Variants in FAM217B observed in about 807,000 individuals in gnomAD.
FAM217B encodes the protein protein FAM217B.
For synonymous variants in FAM217B, 163 were observed against 173.0 expected (o/e 0.94, Z 0.45); for missense variants, 463 against 456.9 (o/e 1.01, Z -0.12).
chr20:59,942,799 T>A (rs2060912523), intron 3 of FAM217B, among the ~76,000 whole-genome samples: 1 of 152,192 alleles, frequency 6.6e-6, no homozygotes, highest in Non-Finnish European at 1.5e-5. Context: ...TGACAATAAT[T>A]AATTTTTATG....
rs2060934486 is a variant in FAM217B at position 59,945,878 on chromosome 20, G to C, written c.*783G>C. 1 of 166,998 alleles carries C rather than the reference G, an allele frequency of 6.0e-6. No homozygotes were observed. The highest frequency in any genetic ancestry group is 2.4e-5 in the African/African-American group (1 of 41,420). 10.3% of individuals were successfully genotyped at this position (166,998 alleles called of 1,614,324 possible). ...ATGATTACTGCTGTTTGGTGGGGCT[G>C]AGAATGAAATATTTGACATTCTGGA... On this transcript the variant is annotated 3_prime_UTR_variant, in exon 4 of 4. Transcript: ENST00000360816.
Position 59,947,495 on chromosome 20 carries a change from A to T in FAM217B, c.*2400A>T, listed in dbSNP as rs2060943643. On this transcript the variant is annotated 3_prime_UTR_variant, in exon 4 of 4. Coordinates refer to ENST00000360816, the MANE Select transcript of FAM217B (RefSeq NM_022106.3). ...CTCCAGCCTGGGCAACAAGAGGGAA[A>T]CTCCGTTTCAAAAAAAAAAGAAAAA... 1 of 163,740 alleles carries T rather than the reference A, an allele frequency of 6.1e-6. No individual in the cohort carries two copies. 10.1% of individuals were successfully genotyped at this position (163,740 alleles called of 1,614,324 possible). A position where few individuals can be genotyped will look rare whatever the true frequency, so the allele number is the denominator to read the frequency against.
rs2060932985 is a variant in FAM217B at position 59,945,623 on chromosome 20, C to T, written c.*528C>T. On this transcript the variant is annotated 3_prime_UTR_variant, in exon 4 of 4. Transcript: ENST00000360816. Reference sequence around the variant, plus strand: ...CTTAGGAGAAGCTTTAGTTCTTCCTCAAGTCAGGGAGTAGTGAGTTTGTAT... The same window carrying T: ...CTTAGGAGAAGCTTTAGTTCTTCCTTAAGTCAGGGAGTAGTGAGTTTGTAT... 6.0e-6 allele frequency: 1 copy of T among 167,718 alleles called. No individual in the cohort carries two copies. Among genetic ancestry groups the T allele is most frequent in the African/African-American group, 2.4e-5 (1 of 41,458 alleles). 10.4% of individuals were successfully genotyped at this position (167,718 alleles called of 1,614,324 possible).
At chr20:59,939,770 C>A, upstream of FAM217B, 2 of 1,222,792 alleles carry the variant, frequency 1.6e-6, no homozygotes, top group Non-Finnish European at 2.0e-6. Flanking sequence ...ACGGCGCTGG[C>A]GTTGGCGGCG....
Position 59,944,330 on chromosome 20 carries a change from T to A in FAM217B, c.387T>A (p.Leu129=), listed in dbSNP as rs1018588349. ...AAATTGATCCAGTTTACTTTGATCT[T>A]CACCCTGGTCAGGGCCATACAAAAC... is the stretch of plus-strand genomic sequence containing the variant. ...AEEIDPVYFD[L]HPGQGHTKPE... Residue 129 remains leucine, a synonymous_variant, in exon 4 of 4, where the codon CTT becomes CTA. Transcript: ENST00000360816. 1 of 1,614,114 alleles carries A rather than the reference T, an allele frequency of 6.2e-7. No individual in the cohort carries two copies. The highest frequency in any genetic ancestry group is 8.5e-7 in the Non-Finnish European group (1 of 1,180,006).
At chr20:59,937,691 A>T (rs1392970149), upstream of FAM217B, 1 of 151,856 alleles carries the variant, frequency 6.6e-6, no homozygotes, top group Non-Finnish European at 1.5e-5. Context: ...CCACACCTTA[A>T]TTCTAGCACC....
At chr20:59,937,892 A>G (rs2060871824), upstream of FAM217B, 2 of 152,394 alleles carry the variant, frequency 1.3e-5, no homozygotes. Context: ...GAAGGCAGAA[A>G]GTATAAAGTT....
upstream of FAM217B, chr20:59,939,648 G>A (rs1424575952): frequency 6.5e-6 from 10 of 1,539,328 alleles, no homozygotes; most frequent in Admixed American, 1.2e-4. Flanking sequence ...GCTGCAGCCC[G>A]GCCGACACGC....
chr20:59,939,415 G>C, upstream of FAM217B: 1 of 1,610,894 alleles, frequency 6.2e-7, no homozygotes, highest in Non-Finnish European at 8.5e-7. Context: ...AGCTGCCGCT[G>C]CAGGCGCTCG....
upstream of FAM217B, among the ~76,000 whole-genome samples, chr20:59,935,491 T>G (rs1157041296): frequency 2.0e-5 from 3 of 152,362 alleles, no homozygotes; most frequent in East Asian, 5.8e-4. Context: ...TTGGAAACTA[T>G]GTGCCGTGGT....
chr20:59,944,872 G>C lies in FAM217B; in HGVS notation c.929G>C (p.Gly310Ala). 1 of 1,614,206 alleles carries C rather than the reference G, an allele frequency of 6.2e-7. No individual in the cohort carries two copies. Among genetic ancestry groups the C allele is most frequent in the Non-Finnish European group, 8.5e-7 (1 of 1,180,042 alleles). Residue 310 changes from glycine (G) to alanine (A), a missense_variant, in exon 4 of 4, where the codon GGC becomes GCC. Gly to Ala is a moderately conservative substitution (Grantham distance 60, BLOSUM62 0). Transcript: ENST00000360816. ...STKLQRWDLS[G>A]SGSSSKVETS... ...AAGCTGCAGCGCTGGGATCTGTCCGGCAGTGGAAGCAGCTCTAAGGTGGAA... is the reference window on the plus strand; with the variant it reads ...AAGCTGCAGCGCTGGGATCTGTCCGCCAGTGGAAGCAGCTCTAAGGTGGAA...
In FAM217B at chr20:59,948,438, T is replaced by C. The variant is rs1283569637; in HGVS notation, c.*3343T>C. The C allele has an allele frequency of 6.0e-6, 1 of 167,202 alleles. No individual in the cohort carries two copies. The allele number at this position is 167,202 out of a possible 1,614,324, so 10.4% of individuals were successfully genotyped here. ...TCCTTTATGCTCACTTATGGAGTAGTTACATAGAAATATAACTCTTGGTGG... is the reference window on the plus strand; with the variant it reads ...TCCTTTATGCTCACTTATGGAGTAGCTACATAGAAATATAACTCTTGGTGG... On this transcript the variant is annotated 3_prime_UTR_variant, in exon 4 of 4. Coordinates refer to ENST00000360816, the MANE Select transcript of FAM217B (RefSeq NM_022106.3).
In FAM217B at chr20:59,944,016, C is replaced by T; in HGVS notation, c.73C>T (p.Gln25Ter). Residue 25 changes from glutamine to a stop codon, truncating the protein, a stop_gained, in exon 4 of 4, where the codon CAA becomes TAA. Transcript: ENST00000360816. LOFTEE classifies it low-confidence loss of function (END_TRUNC). ...NSSGKRQSKS[Q>*]VPHASSQPRS... ...TTCAGGAAAAAGGCAGAGTAAATCCCAAGTACCCCACGCTTCTTCCCAGCC... is the reference window on the plus strand; with the variant it reads ...TTCAGGAAAAAGGCAGAGTAAATCCTAAGTACCCCACGCTTCTTCCCAGCC... 2 of 1,613,984 alleles carry T rather than the reference C, an allele frequency of 1.2e-6. No homozygotes were observed. The highest frequency in any genetic ancestry group is 8.5e-7 in the Non-Finnish European group (1 of 1,179,954).
intron 1 of FAM217B, among the ~76,000 whole-genome samples, chr20:59,934,138 C>T (rs1250478895): frequency 6.6e-6 from 1 of 152,150 alleles, no homozygotes; most frequent in African/African-American, 2.4e-5. Context: ...GGCGCCGGGC[C>T]GACGACTCCT....
chr20:59,944,320 A>G lies in FAM217B; in HGVS notation c.377A>G (p.Tyr126Cys). ...NLRAEEIDPVYFDLHPGQGHT... is the reference protein window; with the variant it reads ...NLRAEEIDPVCFDLHPGQGHT... ...CGAGCTGAAGAAATTGATCCAGTTTACTTTGATCTTCACCCTGGTCAGGGC... is the reference window on the plus strand; with the variant it reads ...CGAGCTGAAGAAATTGATCCAGTTTGCTTTGATCTTCACCCTGGTCAGGGC... Residue 126 changes from tyrosine to cysteine, a missense_variant, in exon 4 of 4, where the codon TAC becomes TGC. Transcript: ENST00000360816. The G allele has an allele frequency of 1.9e-6, 3 of 1,614,088 alleles. No individual in the cohort carries two copies. Among genetic ancestry groups the G allele is most frequent in the Non-Finnish European group, 2.5e-6 (3 of 1,180,022 alleles).
Position 59,944,101 on chromosome 20 carries a change from C to T in FAM217B, c.158C>T (p.Ser53Phe). 1 of 1,614,138 alleles carries T rather than the reference C, an allele frequency of 6.2e-7. No individual in the cohort carries two copies. The highest frequency in any genetic ancestry group is 8.5e-7 in the Non-Finnish European group (1 of 1,180,018). ...GAAGAAAAACTTAAAGAAAGCATTTCCCCGGAAGCAAGACGCAAAAGGAAT... is the reference window on the plus strand; with the variant it reads ...GAAGAAAAACTTAAAGAAAGCATTTTCCCGGAAGCAAGACGCAAAAGGAAT... ...PTEEKLKESI[S>F]PEARRKRNPL... Residue 53 changes from serine to phenylalanine, a missense_variant, in exon 4 of 4, where the codon TCC becomes TTC. Ser to Phe is a radical substitution (Grantham distance 155, BLOSUM62 -2). Coordinates refer to ENST00000360816, the MANE Select transcript of FAM217B (RefSeq NM_022106.3).
At position 59,946,806 on chromosome 20, in the gene FAM217B, G is replaced by C. The variant is rs1029530682; in HGVS notation, c.*1711G>C. ...AGTCCTCAAATTTACTATAACTTTT[G>C]TACTTAGTATATGTTTTATATTTGG... On this transcript the variant is annotated 3_prime_UTR_variant, in exon 4 of 4. Transcript: ENST00000360816. 6.0e-6 allele frequency: 1 copy of C among 166,976 alleles called. No homozygotes were observed. The highest frequency in any genetic ancestry group is 1.5e-5 in the Non-Finnish European group (1 of 68,108). 10.3% of individuals were successfully genotyped at this position (166,976 alleles called of 1,614,324 possible). A position where few individuals can be genotyped will look rare whatever the true frequency, so the allele number is the denominator to read the frequency against.
At chr20:59,935,823 TCAA>T (rs1271789691), upstream of FAM217B, among the ~76,000 whole-genome samples, 1 of 152,218 alleles carries the variant, frequency 6.6e-6, no homozygotes, top group Non-Finnish European at 1.5e-5. Context: ...GCTTTCTGAA[TCAA>T]CAAGCATTTA....
At position 59,944,685 on chromosome 20, in the gene FAM217B, C is replaced by T. The variant is rs1256353486; in HGVS notation, c.742C>T (p.Arg248Ter). ...QEGASKSGPS[R>*]KKAFHHEEIH... ...AGGGGCTTCAAAGTCAGGCCCTTCC[C>T]GAAAGAAAGCTTTTCACCATGAAGA... The change falls in exon 4 of 4, where the codon CGA becomes TGA. Residue 248 changes from arginine (R) to a stop codon, truncating the protein, a stop_gained. Transcript: ENST00000360816. LOFTEE classifies it low-confidence loss of function (END_TRUNC). 6 of 1,613,948 alleles carry T rather than the reference C, an allele frequency of 3.7e-6. No homozygotes were observed. The highest frequency in any genetic ancestry group is 2.2e-5 in the East Asian group (1 of 44,884).
Sources: allele counts gnomAD v4.1 joint callset (sites outside exome capture counted in the v4.1 genomes callset), GRCh38; gene constraint gnomAD v4.1.1; transcripts MANE v1.5; gene names NCBI Gene and HGNC (gene_info 2026-07-23, HGNC 2026-07-21).